The following MTMR12 variants were observed in gnomAD, a reference collection of about 807,000 sequenced individuals.
MTMR12 encodes the protein myotubularin related protein 12.
In MTMR12, 33 loss-of-function variants were observed where a neutral mutation model predicts 96.7. The ratio of observed to expected loss-of-function variants is 0.34; its 90% CI spans 0.26 to 0.46. The LOEUF (loss-of-function observed/expected upper bound fraction) is 0.46. Among genes scored for constraint, MTMR12 ranks in the 20% least tolerant of loss-of-function variants. The pLI is 1.00. For missense variants in MTMR12, 721 were observed against 896.1 expected, an observed-to-expected ratio of 0.80 and a Z score of 2.49; for synonymous variants, 298 against 327.2, an observed-to-expected ratio of 0.91 and a Z score of 0.96.
intron 6 of MTMR12, among the ~76,000 whole-genome samples, chr5:32,265,368 G>A (rs1294285534): frequency 6.6e-6 from 1 of 152,186 alleles, no homozygotes; most frequent in Non-Finnish European, 1.5e-5. Context: ...TGCCAAGGTC[G>A]ATCAAGGTAA....
chr5:32,270,757 TA>T, intron 5 of MTMR12, 59 bp downstream of exon 5: 1 of 1,533,526 alleles, frequency 6.5e-7, no homozygotes, highest in South Asian at 1.3e-5. Context: ...AAGCAAAAAC[TA>T]GAGCTAGTGG....
chr5:32,235,521 T>C (rs1046385954), intron 13 of MTMR12, among the ~76,000 whole-genome samples: 3 of 152,152 alleles, frequency 2.0e-5, no homozygotes, highest in Non-Finnish European at 4.4e-5. Context: ...TGTACTTAAT[T>C]ATGAGTGCTA....
chr5:32,309,707 G>A (rs1751501400), intron 1 of MTMR12: 1 of 152,066 alleles, frequency 6.6e-6, no homozygotes, highest in African/African-American at 2.4e-5. Context: ...AGGACACAGA[G>A]AAGATTAGCA....
In MTMR12 at chr5:32,229,677, G is replaced by C. The variant is rs1747909958; in HGVS notation, c.*101C>G. 1 of 1,191,098 alleles carries C rather than the reference G, an allele frequency of 8.4e-7. No homozygotes were observed. The highest frequency in any genetic ancestry group is 1.6e-5 in the African/African-American group (1 of 64,056). The allele number at this position is 1,191,098 out of a possible 1,614,324, so 73.8% of individuals were successfully genotyped here. A position where few individuals can be genotyped will look rare whatever the true frequency, so the allele number is the denominator to read the frequency against. ...CCAGGTTTATTCTAACGGAGTGCCG[G>C]GCTAAGGACCCAGCCAGCATGAGCT... On this transcript the variant is annotated 3_prime_UTR_variant, in exon 16 of 16. Coordinates refer to ENST00000382142, the MANE Select transcript of MTMR12 (RefSeq NM_001040446.3).
At chr5:32,244,881 T>C (rs561018693) in intron 10 of MTMR12, among the ~76,000 whole-genome samples, 1 of 152,254 alleles carries the variant, frequency 6.6e-6, no homozygotes, top group South Asian at 2.1e-4. Context: ...AAATAAAAAA[T>C]ATAAACTTTA....
intron 1 of MTMR12, among the ~76,000 whole-genome samples, chr5:32,298,949 T>C (rs1403079952): frequency 8.4e-6 from 1 of 118,650 alleles, no homozygotes; most frequent in Non-Finnish European, 1.7e-5. Flanking sequence ...CGAGACTCCA[T>C]CTCAAAAAAA....
intron 3 of MTMR12, 114 bp downstream of exon 3, chr5:32,273,866 C>CT: frequency 6.9e-7 from 1 of 1,442,588 alleles, no homozygotes; most frequent in Non-Finnish European, 9.4e-7. Context: ...GATTTCTGTC[C>CT]TTTGTGTTTA....
intron 1 of MTMR12, among the ~76,000 whole-genome samples, chr5:32,308,762 G>A (rs2910886): frequency 0.28 from 43,024 of 151,790 alleles, 6,341 homozygotes; most frequent in East Asian, 0.42. Flanking sequence ...ACACCACCAC[G>A]CCCAGGTAAT....
chr5:32,244,919 A>T (rs1748621113), intron 10 of MTMR12, among the ~76,000 whole-genome samples: 1 of 152,244 alleles, frequency 6.6e-6, no homozygotes, highest in Admixed American at 6.5e-5. Context: ...CATCAAGTTT[A>T]AGACACTCTC....
At chr5:32,257,229 G>A (rs1006587267) in intron 7 of MTMR12, among the ~76,000 whole-genome samples, 1 of 152,114 alleles carries the variant, frequency 6.6e-6, no homozygotes, top group Non-Finnish European at 1.5e-5. Context: ...TACTTGGGAG[G>A]ATCACTTGAG....
At chr5:32,236,847 A>AAAAG (rs1467758733) in intron 13 of MTMR12, among the ~76,000 whole-genome samples, 1 of 151,620 alleles carries the variant, frequency 6.6e-6, no homozygotes, top group Non-Finnish European at 1.5e-5. Context: ...CCAAAAAAAA[A>AAAAG]AAAAGAAAAG....
At chr5:32,242,207 C>A in intron 11 of MTMR12, 80 bp from the exon 12 acceptor site, 1 of 925,592 alleles carries the variant, frequency 1.1e-6, no homozygotes. Flanking sequence ...GAGAGAGAGT[C>A]TGACTTGATC....
In MTMR12 at chr5:32,228,619, T is replaced by TATATATATATATATATCATATATATGTG. The variant is rs1561727873; in HGVS notation, c.*1158_*1159insCACATATATATGATATATATATATATAT. On this transcript the variant is annotated 3_prime_UTR_variant, in exon 16 of 16. Coordinates refer to ENST00000382142, the MANE Select transcript of MTMR12 (RefSeq NM_001040446.3). ...ATATATATATATATCATATATATGA[T>TATATATATATATATATCATATATATGTG]ATATATATATCACATATATATCATA... 9.2e-5 allele frequency: 12 copies of TATATATATATATATATCATATATATGTG among 129,974 alleles called. No individual in the cohort carries two copies. The highest frequency in any genetic ancestry group is 3.1e-4 in the African/African-American group (11 of 35,258). The allele number at this position is 129,974 out of a possible 1,614,324, so 8.1% of individuals were successfully genotyped here.
chr5:32,237,711 C>T (rs1430281845), intron 13 of MTMR12, among the ~76,000 whole-genome samples: 2 of 151,966 alleles, frequency 1.3e-5, no homozygotes, highest in Non-Finnish European at 2.9e-5. Context: ...GGGGTTTCAC[C>T]GTGTTAGCCA....
intron 3 of MTMR12, 117 bp from the exon 4 acceptor site, chr5:32,272,022 T>C: frequency 1.8e-6 from 1 of 558,062 alleles, no homozygotes; most frequent in Admixed American, 3.8e-5. Flanking sequence ...CCGGGTGCAG[T>C]GGCTCACACC....
At position 32,233,473 on chromosome 5, in the gene MTMR12, A is replaced by ACACACACACAC. The variant is rs1748084676; in HGVS notation, c.1674+299_1674+300insGTGTGTGTGTG. On this transcript the variant is annotated intron_variant, in intron 15 of 15. Coordinates refer to ENST00000382142, the MANE Select transcript of MTMR12 (RefSeq NM_001040446.3). The surrounding 1 kb of genome is among the most constrained non-coding windows in gnomAD (Gnocchi z 5.0). ...CTCTACTAACACACACACACACACA[A>ACACACACACAC]ACACACACACACACACACACACACA... 3.0e-3 allele frequency among the ~76,000 whole-genome samples: 177 copies of ACACACACACAC among 59,994 alleles called. 1 individual carries two copies. The highest frequency in any genetic ancestry group is 7.5e-3 in the African/African-American group (163 of 21,780). The allele number at this position is 59,994 out of a possible 152,430, so 39.4% of individuals were successfully genotyped here. A position where few individuals can be genotyped will look rare whatever the true frequency, so the allele number is the denominator to read the frequency against.
intron 1 of MTMR12, among the ~76,000 whole-genome samples, chr5:32,280,132 T>A (rs1750237595): frequency 6.6e-6 from 1 of 152,108 alleles, no homozygotes; most frequent in Non-Finnish European, 1.5e-5. Context: ...GTGCACATCA[T>A]CTCAAATGTG....
At chr5:32,292,369 T>C (rs1374598867) in intron 1 of MTMR12, among the ~76,000 whole-genome samples, 3 of 152,198 alleles carry the variant, frequency 2.0e-5, no homozygotes, top group Non-Finnish European at 4.4e-5. Context: ...TTGCCTCCTG[T>C]TCCTGCAACA....
intron 1 of MTMR12, among the ~76,000 whole-genome samples, chr5:32,287,857 G>T (rs1490318090): frequency 6.6e-6 from 1 of 152,108 alleles, no homozygotes; most frequent in Non-Finnish European, 1.5e-5. Flanking sequence ...TAATACCTTT[G>T]ACCATATGTG....
Sources: allele counts gnomAD v4.1 joint callset (sites outside exome capture counted in the v4.1 genomes callset), GRCh38; gene constraint gnomAD v4.1.1; non-coding constraint Gnocchi (gnomAD v3.1); transcripts MANE v1.5; gene names NCBI Gene and HGNC (gene_info 2026-07-23, HGNC 2026-07-21).